Variants in SPIB observed in about 807,000 individuals in gnomAD.
SPIB encodes the protein Spi-B transcription factor.
A neutral mutation model predicts 31.9 loss-of-function variants in SPIB; 7 were observed. The observed-to-expected ratio is 0.22, with a 90% CI of 0.12 to 0.41. The LOEUF is 0.41. SPIB is among the 10% of genes least tolerant of loss of function. The pLI is 1.00. For synonymous variants in SPIB, 176 were observed against 158.9 expected (o/e 1.11, Z -0.81); for missense variants, 327 against 360.2 (o/e 0.91, Z 0.75).
In SPIB at chr19:50,428,375, C is replaced by G; in HGVS notation, c.*39C>G. On this transcript the variant is annotated 3_prime_UTR_variant, in exon 6 of 6. Coordinates refer to ENST00000595883, the MANE Select transcript of SPIB (RefSeq NM_003121.5). This position sits in a 1 kb window ranked among gnomAD's most constrained non-coding sequence, Gnocchi z 6.5. ...TCCCACCTGCGGAGCCGCTGGGGGA[C>G]CTCACGTCCCAGCCAGGATCCCCCT... The G allele has an allele frequency of 6.7e-7, 1 of 1,498,686 alleles. No homozygotes were observed. The allele number at this position is 1,498,686 out of a possible 1,614,324, so 92.8% of individuals were successfully genotyped here.
rs1358704324 is a variant in SPIB at position 50,422,939 on chromosome 19, C to T, written c.241C>T (p.Pro81Ser). 6.3e-7 allele frequency: 1 copy of T among 1,597,060 alleles called. No homozygotes were observed. ...PQAAQLCYEP[P>S]TYSPAGNLEL... Reference sequence around the variant, plus strand: ...GGCTGCCCAGCTCTGCTACGAACCCCCCACCTACAGCCCTGCAGGGAACCT... The same window carrying T: ...GGCTGCCCAGCTCTGCTACGAACCCTCCACCTACAGCCCTGCAGGGAACCT... Residue 81 changes from proline (P) to serine (S), a missense_variant, in exon 4 of 6, where the codon CCC (proline) becomes TCC (serine). This residue lies in a region of SPIB where 238 missense variants were observed against 228.8 expected (regional missense o/e 1.04). Coordinates refer to ENST00000595883, the MANE Select transcript of SPIB (RefSeq NM_003121.5).
chr19:50,428,529 T>G lies in SPIB; in HGVS notation c.*193T>G. 2.1e-6 allele frequency: 1 copy of G among 479,492 alleles called. No individual in the cohort carries two copies. Among genetic ancestry groups the G allele is most frequent in the South Asian group, 2.5e-5 (1 of 39,546 alleles). 29.7% of individuals were successfully genotyped at this position (479,492 alleles called of 1,614,324 possible). A position where few individuals can be genotyped will look rare whatever the true frequency, so the allele number is the denominator to read the frequency against. ...GGGCCTGTCTGGGATTCCCCACTTG[T>G]GCCTGGGGTCCTCTGGGATTTCTTT... On this transcript the variant is annotated 3_prime_UTR_variant, in exon 6 of 6. Transcript: ENST00000595883. This position sits in a 1 kb window ranked among gnomAD's most constrained non-coding sequence, Gnocchi z 6.5.
Position 50,428,435 on chromosome 19 carries a change from A to G in SPIB, c.*99A>G. On this transcript the variant is annotated 3_prime_UTR_variant, in exon 6 of 6. Transcript: ENST00000595883. This position sits in a 1 kb window ranked among gnomAD's most constrained non-coding sequence, Gnocchi z 6.5. ...AGGGCGTCCCCACACTCTAGGTGAT[A>G]GGACTTACGCATCCCCACCTTTTGG... is the stretch of plus-strand genomic sequence containing the variant. The G allele has an allele frequency of 7.6e-7, 1 of 1,308,542 alleles. No homozygotes were observed. The highest frequency in any genetic ancestry group is 1.0e-6 in the Non-Finnish European group (1 of 980,296). The allele number at this position is 1,308,542 out of a possible 1,614,324, so 81.1% of individuals were successfully genotyped here.
In SPIB at chr19:50,422,941, C is replaced by G. The variant is rs200906043; in HGVS notation, c.243C>G (p.Pro81=). Residue 81 remains proline, a synonymous_variant, in exon 4 of 6, where the codon CCC becomes CCG. Transcript: ENST00000595883. ...PQAAQLCYEP[P]TYSPAGNLEL... is the part of the protein sequence containing the mutation. ...CTGCCCAGCTCTGCTACGAACCCCC[C>G]ACCTACAGCCCTGCAGGGAACCTCG... 10 of 1,595,180 alleles carry G rather than the reference C, an allele frequency of 6.3e-6. No individual in the cohort carries two copies. The East Asian group carries it at 2.2e-4, about 36-fold the overall frequency.
chr19:50,419,541 G>A (rs2039460532), intron 1 of SPIB, among the ~76,000 whole-genome samples: 1 of 152,054 alleles, frequency 6.6e-6, no homozygotes, highest in Admixed American at 6.6e-5. Flanking sequence ...CCTCATCTGA[G>A]TCTTCTCCGG....
At position 50,429,039 on chromosome 19, in the gene SPIB, G is replaced by A. The variant is rs1346530714; in HGVS notation, c.*703G>A. On this transcript the variant is annotated 3_prime_UTR_variant, in exon 6 of 6. Transcript: ENST00000595883. ...TCACTCTTGAGAGGTCTGGGGTGGA[G>A]GATGGGGAGTCAGTGAAATGTGTCA... 1 of 152,284 alleles carries A rather than the reference G, an allele frequency of 6.6e-6. No individual in the cohort carries two copies. Among genetic ancestry groups the A allele is most frequent in the Non-Finnish European group, 1.5e-5 (1 of 68,162 alleles). 9.4% of individuals were successfully genotyped at this position (152,284 alleles called of 1,614,324 possible). A position where few individuals can be genotyped will look rare whatever the true frequency, so the allele number is the denominator to read the frequency against.
Position 50,422,541 on chromosome 19 carries a change from T to C in SPIB, c.120T>C (p.Ala40=). 1 of 1,613,852 alleles carries C rather than the reference T, an allele frequency of 6.2e-7. No homozygotes were observed. The highest frequency in any genetic ancestry group is 8.5e-7 in the Non-Finnish European group (1 of 1,179,894). Residue 40 remains alanine (A), a synonymous_variant, in exon 3 of 6, where the codon GCT becomes GCC. Coordinates refer to ENST00000595883, the MANE Select transcript of SPIB (RefSeq NM_003121.5). ...CCAGCTACCCTGATTCAGAGGGGGC[T>C]CCTGGTGAGTGACCCCAGCCCTGTG... ...KHSSYPDSEG[A]PDSLWDWTVA...
At chr19:50,427,300 G>A (rs1297019845) in intron 5 of SPIB, among the ~76,000 whole-genome samples, 2 of 152,082 alleles carry the variant, frequency 1.3e-5, no homozygotes, top group African/African-American at 2.4e-5. Context: ...CGAGGTGGGC[G>A]GATCACCTGA....
chr19:50,421,023 T>C (rs1341281219), intron 2 of SPIB, among the ~76,000 whole-genome samples: 1 of 152,238 alleles, frequency 6.6e-6, no homozygotes, highest in Non-Finnish European at 1.5e-5. Flanking sequence ...TCAGTGTTTG[T>C]CCTTTTTCCT....
At position 50,418,996 on chromosome 19, in the gene SPIB, GC is replaced by G. The variant is rs1296367213; in HGVS notation, c.23+16del. ...CCTGGAGGCTGCACAGTAAGTGAGG[GC>G]CCCCAAACCTGCACCCGGGGTCCCC... On this transcript the variant is annotated intron_variant, in intron 1 of 5. Transcript: ENST00000595883. This position sits in a 1 kb window ranked among gnomAD's most constrained non-coding sequence, Gnocchi z 6.0. 1.3e-6 allele frequency: 2 copies of G among 1,552,266 alleles called. No individual in the cohort carries two copies. The highest frequency in any genetic ancestry group is 1.7e-6 in the Non-Finnish European group (2 of 1,148,016).
intron 2 of SPIB, among the ~76,000 whole-genome samples, 174 bp downstream of exon 2, chr19:50,420,147 C>G (rs1360028161): frequency 6.6e-6 from 1 of 152,244 alleles, no homozygotes; most frequent in African/African-American, 2.4e-5. Flanking sequence ...TCTCTCTCCC[C>G]CTCTCAGGCT....
chr19:50,422,418 T>G (rs2039507195), intron 2 of SPIB, 55 bp from the exon 3 acceptor site: 1 of 1,557,068 alleles, frequency 6.4e-7, no homozygotes, highest in Non-Finnish European at 8.8e-7. Context: ...AGGGTGGGGG[T>G]TGGGAGTCCC....
chr19:50,419,990 G>A lies in SPIB; in HGVS notation c.51+17G>A. Reference sequence around the variant, plus strand: ...AGCTGTCTGGTGAGTTGGGGCCCCTGGGGGCCAGGGAGGGGTGGCCCACAG... The same window carrying A: ...AGCTGTCTGGTGAGTTGGGGCCCCTAGGGGCCAGGGAGGGGTGGCCCACAG... On this transcript the variant is annotated intron_variant, in intron 2 of 5. Coordinates refer to ENST00000595883, the MANE Select transcript of SPIB (RefSeq NM_003121.5). 5 of 1,460,216 alleles carry A rather than the reference G, an allele frequency of 3.4e-6. No homozygotes were observed. The highest frequency in any genetic ancestry group is 3.6e-6 in the Non-Finnish European group (4 of 1,109,534). The allele number at this position is 1,460,216 out of a possible 1,614,324, so 90.5% of individuals were successfully genotyped here.
chr19:50,427,613 AC>A (rs1208426197), intron 5 of SPIB, among the ~76,000 whole-genome samples: 4 of 152,164 alleles, frequency 2.6e-5, no homozygotes, highest in African/African-American at 9.7e-5. Flanking sequence ...AGGCTGGGAG[AC>A]CAGGAGCTGG....
In SPIB at chr19:50,419,947, C is replaced by G. The variant is rs1317510061; in HGVS notation, c.25C>G (p.Leu9Val). The G allele has an allele frequency of 6.6e-7, 1 of 1,526,538 alleles. No homozygotes were observed. The highest frequency in any genetic ancestry group is 1.4e-5 in the African/African-American group (1 of 69,206). 94.6% of individuals were successfully genotyped at this position (1,526,538 alleles called of 1,614,324 possible). Residue 9 changes from leucine to valine, a missense_variant and splice_region_variant, in exon 2 of 6, where the codon CTC becomes GTC. Leu to Val is a conservative substitution (Grantham distance 32). This residue lies in a region of SPIB where 238 missense variants were observed against 228.8 expected (regional missense o/e 1.04). Transcript: ENST00000595883. ...GCCCCTGTGTCTCTCCCCCTCCAGG[C>G]TCGACGGGCCACACTTCAGCTGTCT... MLALEAAQLDGPHFSCLYP... is the reference protein window; with the variant it reads MLALEAAQVDGPHFSCLYP...
At chr19:50,422,209 G>A (rs1340456503) in intron 2 of SPIB, among the ~76,000 whole-genome samples, 1 of 152,212 alleles carries the variant, frequency 6.6e-6, no homozygotes, top group African/African-American at 2.4e-5. Flanking sequence ...TGCCAGTGAG[G>A]GGCCAGGGTT....
At chr19:50,427,433 C>G (rs11084014) in intron 5 of SPIB, among the ~76,000 whole-genome samples, 48,098 of 152,044 alleles carry the variant, frequency 0.32, 8,491 homozygotes, top group South Asian at 0.52. Flanking sequence ...GCTGAGGCAG[C>G]AGAATTGCTC....
Position 50,429,061 on chromosome 19 carries a change from G to C in SPIB, c.*725G>C, listed in dbSNP as rs2039606408. 1 of 152,270 alleles carries C rather than the reference G, an allele frequency of 6.6e-6. No individual in the cohort carries two copies. Among genetic ancestry groups the C allele is most frequent in the South Asian group, 2.1e-4 (1 of 4,822 alleles). 9.4% of individuals were successfully genotyped at this position (152,270 alleles called of 1,614,324 possible). A position where few individuals can be genotyped will look rare whatever the true frequency, so the allele number is the denominator to read the frequency against. ...GGAGGATGGGGAGTCAGTGAAATGT[G>C]TCATGTCTGGGCCCTGTCAGGGACA... On this transcript the variant is annotated 3_prime_UTR_variant, in exon 6 of 6. Coordinates refer to ENST00000595883, the MANE Select transcript of SPIB (RefSeq NM_003121.5).
intron 5 of SPIB, among the ~76,000 whole-genome samples, chr19:50,425,821 C>T (rs539298821): frequency 6.5e-4 from 99 of 152,220 alleles, no homozygotes; most frequent in Non-Finnish European, 8.8e-4. Context: ...GGTCAGGGAG[C>T]GCAGGCAGGG....
Sources: allele counts gnomAD v4.1 joint callset (sites outside exome capture counted in the v4.1 genomes callset), GRCh38; gene constraint gnomAD v4.1.1; regional missense constraint gnomAD v4.1.1; non-coding constraint Gnocchi (gnomAD v3.1); transcripts MANE v1.5; gene names NCBI Gene and HGNC (gene_info 2026-07-23, HGNC 2026-07-21).